GOLGA1: variants seen among roughly 807,000 people sequenced by gnomAD.
GOLGA1 encodes golgin A1.
A neutral mutation model predicts 119.7 loss-of-function variants in GOLGA1; 63 were observed. The observed-to-expected ratio is 0.53, with a 90% confidence interval of 0.43 to 0.65. GOLGA1 has a LOEUF of 0.65. GOLGA1 is among the 30% of genes least tolerant of loss of function. GOLGA1 has a pLI of 0.00. For synonymous variants in GOLGA1, 318 were observed against 333.4 expected (o/e 0.95, Z 0.50); for missense variants, 798 against 912.8 (o/e 0.87, Z 1.62).
At position 124,880,677 on chromosome 9, in the gene GOLGA1, C is replaced by T. The variant is rs539201868; in HGVS notation, c.2224-67G>A. ...ACTTGGTGCCAGGGAAACTGAACCG[C>T]CCCTCCCCTCCCGTGAGCCTGTCAC... On this transcript the variant is annotated intron_variant, in intron 22 of 22. Coordinates refer to ENST00000373555, the MANE Select transcript of GOLGA1 (RefSeq NM_002077.4). 7.5e-6 allele frequency: 7 copies of T among 935,546 alleles called. No individual in the cohort carries two copies. The South Asian group carries it at 9.1e-5, about 12-fold the overall frequency. The allele number at this position is 935,546 out of a possible 1,614,324, so 58.0% of individuals were successfully genotyped here. A position where few individuals can be genotyped will look rare whatever the true frequency, so the allele number is the denominator to read the frequency against.
chr9:124,927,566 CATTAT>C (rs1165883610), intron 6 of GOLGA1, among the ~76,000 whole-genome samples: 3 of 152,166 alleles, frequency 2.0e-5, no homozygotes, highest in African/African-American at 7.2e-5. Context: ...TCAAAATTAA[CATTAT>C]AATATATTGA....
intron 12 of GOLGA1, among the ~76,000 whole-genome samples, chr9:124,901,914 C>A (rs899841345): frequency 1.3e-5 from 2 of 152,158 alleles, no homozygotes; most frequent in African/African-American, 4.8e-5. Flanking sequence ...GACTCCATAC[C>A]AGGAACTGCA....
At chr9:124,920,673 C>A (rs906845972) in intron 10 of GOLGA1, among the ~76,000 whole-genome samples, 6 of 151,936 alleles carry the variant, frequency 3.9e-5, no homozygotes, top group Non-Finnish European at 5.9e-5. Context: ...CGGTGGCTCA[C>A]GCCTGTAATC....
intron 17 of GOLGA1, 58 bp downstream of exon 17, chr9:124,889,376 A>G: frequency 6.3e-7 from 1 of 1,594,516 alleles, no homozygotes. Flanking sequence ...AGGCCGTCAC[A>G]AGGCAGGATG....
upstream of GOLGA1, chr9:124,944,286 A>T (rs1180066211): frequency 6.6e-6 from 1 of 151,736 alleles, no homozygotes; most frequent in Non-Finnish European, 1.5e-5. Context: ...TTCAGGAAAT[A>T]GTAATAAAAA....
At chr9:124,941,137 C>G (rs1217680760), upstream of GOLGA1, 1 of 152,182 alleles carries the variant, frequency 6.6e-6, no homozygotes, top group Non-Finnish European at 1.5e-5. Flanking sequence ...GGGGGTTGGT[C>G]CGACGCGCGC....
chr9:124,882,210 T>C (rs1475482839), intron 20 of GOLGA1, among the ~76,000 whole-genome samples: 1 of 151,918 alleles, frequency 6.6e-6, no homozygotes, highest in Non-Finnish European at 1.5e-5. Context: ...GGCCAAGCAC[T>C]CTGCCACACA....
rs917435239 is a variant in GOLGA1 at position 124,888,177 on chromosome 9, G to A, written c.1905+76C>T. 2 of 1,409,840 alleles carry A rather than the reference G, an allele frequency of 1.4e-6. No individual in the cohort carries two copies. Among genetic ancestry groups the A allele is most frequent in the South Asian group, 2.4e-5 (2 of 84,304 alleles). The allele number at this position is 1,409,840 out of a possible 1,614,324, so 87.3% of individuals were successfully genotyped here. A position where few individuals can be genotyped will look rare whatever the true frequency, so the allele number is the denominator to read the frequency against. On this transcript the variant is annotated intron_variant, in intron 19 of 22. Coordinates refer to ENST00000373555, the MANE Select transcript of GOLGA1 (RefSeq NM_002077.4). The surrounding 1 kb of genome is among the most constrained non-coding windows in gnomAD (Gnocchi z 4.4). The stretch of plus-strand genomic sequence containing the variant: ...GGGGGAAACCACAAAAACCTCCAAG[G>A]ATGGACTGGGTCATTTTAGGCCTGA...
At chr9:124,910,880 C>T (rs1160557846) in intron 11 of GOLGA1, among the ~76,000 whole-genome samples, 1 of 152,114 alleles carries the variant, frequency 6.6e-6, no homozygotes, top group East Asian at 1.9e-4. Context: ...CTGAAACCAC[C>T]CCCTCACCCG....
chr9:124,925,784 G>A (rs1474701052), intron 7 of GOLGA1, among the ~76,000 whole-genome samples: 3 of 152,076 alleles, frequency 2.0e-5, no homozygotes, highest in Non-Finnish European at 2.9e-5. Flanking sequence ...AGTTAACTTG[G>A]TGTTTTATGG....
chr9:124,935,763 CAAAAAAAA>C (rs33934422), intron 3 of GOLGA1, among the ~76,000 whole-genome samples: 2 of 103,572 alleles, frequency 1.9e-5, no homozygotes, highest in African/African-American at 3.7e-5. Context: ...ACTCTGTCTC[CAAAAAAAA>C]AAAAAAAAAA....
At chr9:124,892,880 C>T (rs953709364) in intron 15 of GOLGA1, among the ~76,000 whole-genome samples, 1 of 147,124 alleles carries the variant, frequency 6.8e-6, no homozygotes, top group Non-Finnish European at 1.5e-5. Context: ...TGCAGTGAGC[C>T]GAGATCACGC....
At chr9:124,928,056 C>T (rs1400771323) in intron 6 of GOLGA1, 132 bp downstream of exon 6, 5 of 512,848 alleles carry the variant, frequency 9.7e-6, no homozygotes, top group Non-Finnish European at 1.7e-5. Flanking sequence ...CCAAAGAAAA[C>T]CTTAACGAAC....
upstream of GOLGA1, chr9:124,944,645 TTAG>T (rs935073032): frequency 6.6e-6 from 1 of 152,090 alleles, no homozygotes. Context: ...AAAAAAGCAA[TTAG>T]TAGCATGCTT....
In GOLGA1 at chr9:124,937,262, G is replaced by A. The variant is rs189700768; in HGVS notation, c.135+1315C>T. Among the ~76,000 whole-genome samples the A allele has an allele frequency of 2.2e-3, 330 of 152,216 alleles. 4 individuals carry two copies. Among genetic ancestry groups the A allele is most frequent in the Non-Finnish European group, 3.9e-3 (264 of 68,008 alleles). On this transcript the variant is annotated intron_variant, in intron 3 of 22. Transcript: ENST00000373555. ...AGGTCAGGAGTTCCAGACCAGCCTG[G>A]CCAACACAGTGAAACTCTGTCTCTA...
At chr9:124,894,537 T>C (rs1588063936) in intron 15 of GOLGA1, among the ~76,000 whole-genome samples, 2 of 152,134 alleles carry the variant, frequency 1.3e-5, no homozygotes, top group African/African-American at 4.8e-5. Context: ...TCCTAATTTA[T>C]ATGTCTACTC....
chr9:124,882,897 T>C (rs988281471), intron 19 of GOLGA1, among the ~76,000 whole-genome samples: 5 of 152,190 alleles, frequency 3.3e-5, no homozygotes, highest in Non-Finnish European at 7.3e-5. Context: ...GAAAAGGCTC[T>C]GGACCATAGA....
intron 3 of GOLGA1, among the ~76,000 whole-genome samples, chr9:124,932,043 TC>T (rs1161222788): frequency 6.6e-6 from 1 of 152,260 alleles, no homozygotes; most frequent in Non-Finnish European, 1.5e-5. Flanking sequence ...CTTTTACTTT[TC>T]ATTATACAAT....
rs115695869 is a variant in GOLGA1 at position 124,898,563 on chromosome 9, G to A, written c.1393C>T (p.Leu465=). Residue 465 remains leucine, a synonymous_variant, in exon 15 of 23, where the codon CTA becomes TTA. Transcript: ENST00000373555. ...ERSLQNHQFE[L]KKLKEEWSQR... ...TAGATAAATACCTTCAGCTTCTTTA[G>A]TTCAAATTGGTGATTTTGTAAAGAA... The A allele has an allele frequency of 5.6e-5, 89 of 1,581,538 alleles. No homozygotes were observed. The African/African-American group carries it at 1.1e-3, about 20-fold the overall frequency.
Sources: gnomAD v4.1 joint callset for allele counts (sites outside exome capture counted in the v4.1 genomes callset) on GRCh38, gnomAD v4.1.1 for gene constraint, Gnocchi (gnomAD v3.1) non-coding constraint, MANE v1.5 for transcripts, NCBI Gene and HGNC (gene_info 2026-07-23, HGNC 2026-07-21) for gene names.